Variants in NUDC observed in about 807,000 individuals in gnomAD.
NUDC encodes nuclear distribution C, dynein complex regulator.
NUDC carries 14 observed loss-of-function variants against 45.0 expected under a neutral mutation model. The observed-to-expected ratio is 0.31, with a 90% CI of 0.21 to 0.49. NUDC has a LOEUF of 0.49. NUDC is among the 20% of genes least tolerant of loss of function. The pLI, the probability that NUDC is intolerant of heterozygous loss-of-function variation, is 0.99. For synonymous variants in NUDC, 153 were observed against 156.7 expected, an observed-to-expected ratio of 0.98 and a Z score of 0.17; for missense variants, 323 against 426.2, an observed-to-expected ratio of 0.76 and a Z score of 2.13.
chr1:26,925,538 C>CAAAAA (rs71010305), intron 2 of NUDC, among the ~76,000 whole-genome samples: 3 of 43,334 alleles, frequency 6.9e-5, no homozygotes, highest in Non-Finnish European at 9.4e-5. Context: ...GACTCCGTCT[C>CAAAAA]AAAAAAAAAA....
chr1:26,924,841 G>A (rs1056806180), intron 2 of NUDC, among the ~76,000 whole-genome samples: 7 of 151,698 alleles, frequency 4.6e-5, no homozygotes, highest in African/African-American at 1.5e-4. Flanking sequence ...ATAAGCCACT[G>A]TGCCTGGCCA....
intron 2 of NUDC, among the ~76,000 whole-genome samples, chr1:26,938,533 A>G (rs1389334991): frequency 6.6e-6 from 1 of 152,106 alleles, no homozygotes; most frequent in Non-Finnish European, 1.5e-5. Flanking sequence ...TACCAGTTTA[A>G]TTTGTGGTTT....
chr1:26,920,754 C>CCAAAAAA (rs1303108568), upstream of NUDC, among the ~76,000 whole-genome samples: 25 of 147,934 alleles, frequency 1.7e-4, no homozygotes, highest in Non-Finnish European at 2.4e-4. Context: ...TCCATCTCTA[C>CCAAAAAA]CAAAAAACAA....
chr1:26,946,407 CCT>C lies in NUDC; in HGVS notation c.*231_*232del. 2 of 562,950 alleles carry C rather than the reference CCT, an allele frequency of 3.6e-6. No individual in the cohort carries two copies. Among genetic ancestry groups the C allele is most frequent in the East Asian group, 6.3e-5 (2 of 31,858 alleles). 34.9% of individuals were successfully genotyped at this position (562,950 alleles called of 1,614,324 possible). On this transcript the variant is annotated 3_prime_UTR_variant, in exon 9 of 9. Transcript: ENST00000321265. ...ACGATTTGCCCAGCTCCTTCTGTGT[CCT>C]CTCTTGCCTCTGGCCTTTCTCTGGG...
upstream of NUDC, among the ~76,000 whole-genome samples, chr1:26,917,816 G>T (rs962559655): frequency 1.1e-4 from 17 of 151,906 alleles, no homozygotes; most frequent in Admixed American, 1.1e-3. Flanking sequence ...AACCTGGGAA[G>T]CGGAAGTTGC....
intron 3 of NUDC, among the ~76,000 whole-genome samples, chr1:26,912,888 T>C (rs1422353873): frequency 6.6e-6 from 1 of 152,204 alleles, no homozygotes; most frequent in Non-Finnish European, 1.5e-5. Context: ...CTGGAGTGAA[T>C]AGACCTGAGT....
Position 26,946,177 on chromosome 1 carries a change from A to G in NUDC, c.992A>G (p.Asn331Ser). The G allele has an allele frequency of 3.7e-6, 6 of 1,612,816 alleles. No individual in the cohort carries two copies. The highest frequency in any genetic ancestry group is 5.1e-6 in the Non-Finnish European group (6 of 1,179,660). Residue 331 changes from asparagine (N) to serine (S), a missense_variant, in exon 9 of 9, where the codon AAC becomes AGC. Around this residue, in one of 3 missense-constraint regions of NUDC, gnomAD observed 54 missense variants for 100.2 expected, o/e 0.54. Transcript: ENST00000321265. ...PEMDFSKAKF[N>S] ...ATGGATTTTTCCAAGGCTAAATTCA[A>G]CTAGCCCCTGTTTTTTCCTCCCTGA... is the stretch of plus-strand genomic sequence containing the variant.
chr1:26,900,945 A>G (rs897252572), intron 1 of NUDC, among the ~76,000 whole-genome samples: 3 of 152,240 alleles, frequency 2.0e-5, no homozygotes, highest in African/African-American at 7.2e-5. Flanking sequence ...CTTACGTTAA[A>G]GAAAAGATGC....
At position 26,946,124 on chromosome 1, in the gene NUDC, C is replaced by G; in HGVS notation, c.945-6C>G. On this transcript the variant is annotated splice_polypyrimidine_tract_variant and splice_region_variant and intron_variant, in intron 8 of 8. Transcript: ENST00000321265. Reference sequence around the variant, plus strand: ...GAGCTGTTTCATCTTGCTTCCGTTTCTCCAGGTTCATGGATCAACATCCGG... The same window carrying G: ...GAGCTGTTTCATCTTGCTTCCGTTTGTCCAGGTTCATGGATCAACATCCGG... The G allele has an allele frequency of 6.2e-7, 1 of 1,613,846 alleles. No homozygotes were observed. Among genetic ancestry groups the G allele is most frequent in the South Asian group, 1.1e-5 (1 of 91,074 alleles).
At chr1:26,906,003 C>T (rs1471967604) in intron 2 of NUDC, among the ~76,000 whole-genome samples, 3 of 152,132 alleles carry the variant, frequency 2.0e-5, no homozygotes, top group African/African-American at 7.2e-5. Flanking sequence ...CATAAAAGGC[C>T]GAGCGCAGTG....
At chr1:26,906,131 T>G (rs1053624517) in intron 2 of NUDC, among the ~76,000 whole-genome samples, 2 of 152,022 alleles carry the variant, frequency 1.3e-5, no homozygotes, top group Non-Finnish European at 2.9e-5. Context: ...AAATACACAA[T>G]TAGCAGGGCG....
chr1:26,912,192 T>C, intron 3 of NUDC: 1 of 1,421,894 alleles, frequency 7.0e-7, no homozygotes, highest in Non-Finnish European at 9.6e-7. Flanking sequence ...CTCTGCCTCC[T>C]TTGCTCGGCC....
Position 26,943,081 on chromosome 1 carries a change from C to T in NUDC, c.741+16C>T, listed in dbSNP as rs771899838. 6.2e-7 allele frequency: 1 copy of T among 1,613,590 alleles called. No individual in the cohort carries two copies. Among genetic ancestry groups the T allele is most frequent in the East Asian group, 2.2e-5 (1 of 44,878 alleles). Reference sequence around the variant, plus strand: ...TCTGGAGAAGGTATGTGAGGCCCAGCCCTTCTAGCCTGGGGTGTTGATGGA... The same window carrying T: ...TCTGGAGAAGGTATGTGAGGCCCAGTCCTTCTAGCCTGGGGTGTTGATGGA... On this transcript the variant is annotated intron_variant, in intron 6 of 8. Transcript: ENST00000321265.
At chr1:26,905,145 A>AT (rs1175860860) in intron 2 of NUDC, among the ~76,000 whole-genome samples, 1 of 121,308 alleles carries the variant, frequency 8.2e-6, no homozygotes, top group East Asian at 2.3e-4. Context: ...GCCTATTATT[A>AT]TTATTATTAT....
chr1:26,921,804 G>T lies in NUDC; in HGVS notation c.-45G>T. 2 of 1,537,338 alleles carry T rather than the reference G, an allele frequency of 1.3e-6. No individual in the cohort carries two copies. The highest frequency in any genetic ancestry group is 1.8e-6 in the Non-Finnish European group (2 of 1,136,080). ...CGACCCGCAGGAGCGTAGAGAGCGC[G>T]GGACTAGAGTGCAGAGCTCCGGGAC... On this transcript the variant is annotated 5_prime_UTR_variant, in exon 1 of 9. Coordinates refer to ENST00000321265, the MANE Select transcript of NUDC (RefSeq NM_006600.4).
At chr1:26,945,838 C>A in intron 8 of NUDC, 152 bp downstream of exon 8, 1 of 776,382 alleles carries the variant, frequency 1.3e-6, no homozygotes, top group Non-Finnish European at 2.3e-6. Flanking sequence ...CTTGCCTACT[C>A]TTGTCATTTG....
chr1:26,945,858 T>C (rs2082313843), intron 8 of NUDC, among the ~76,000 whole-genome samples, 172 bp downstream of exon 8: 3 of 152,040 alleles, frequency 2.0e-5, no homozygotes, highest in Admixed American at 1.3e-4. Flanking sequence ...GCTGAGGTCA[T>C]CTTGAGGGCA....
At chr1:26,940,760 A>G (rs1164863524) in intron 2 of NUDC, among the ~76,000 whole-genome samples, 1 of 152,100 alleles carries the variant, frequency 6.6e-6, no homozygotes, top group Admixed American at 6.6e-5. Flanking sequence ...ATCTCAGCTC[A>G]CTGCAACCTC....
At chr1:26,939,487 C>G (rs1570742172) in intron 2 of NUDC, among the ~76,000 whole-genome samples, 1 of 152,034 alleles carries the variant, frequency 6.6e-6, no homozygotes, top group East Asian at 1.9e-4. Context: ...ATTAGCCAGG[C>G]ATGGTGGCAT....
Sources: allele counts gnomAD v4.1 joint callset (sites outside exome capture counted in the v4.1 genomes callset), GRCh38; gene constraint gnomAD v4.1.1; regional missense constraint gnomAD v4.1.1; transcripts MANE v1.5; gene names NCBI Gene and HGNC (gene_info 2026-07-23, HGNC 2026-07-21).